Variants in NFASC observed in about 807,000 individuals in gnomAD.
NFASC encodes the protein neurofascin, also known as neurofascin homolog.
A neutral mutation model predicts 147.5 loss-of-function variants in NFASC; 43 were observed. The observed-to-expected ratio is 0.29, with a 90% CI of 0.23 to 0.38. The LOEUF (loss-of-function observed/expected upper bound fraction) is 0.38, where lower values mean the gene tolerates loss of function less well. Ranked by LOEUF, NFASC falls within the 10% of genes least tolerant of loss-of-function variation. The pLI is 1.00. For missense variants in NFASC, 1,320 were observed against 1,689.0 expected (o/e 0.78, Z 3.83); for synonymous variants, 622 against 665.5 (o/e 0.93, Z 1.01).
chr1:204,886,219 A>C (rs1477547707), intron 1 of NFASC, among the ~76,000 whole-genome samples: 1 of 152,234 alleles, frequency 6.6e-6, no homozygotes, highest in African/African-American at 2.4e-5. Flanking sequence ...AAAATGCTTT[A>C]AGCAAGAACT....
intron 1 of NFASC, among the ~76,000 whole-genome samples, chr1:204,907,621 T>C (rs1461233783): frequency 6.6e-6 from 1 of 152,240 alleles, no homozygotes; most frequent in Non-Finnish European, 1.5e-5. Flanking sequence ...GTCTAATTGA[T>C]GAGAGTGCTT....
intron 11 of NFASC, among the ~76,000 whole-genome samples, chr1:204,971,993 G>C (rs1352250623): frequency 1.3e-5 from 2 of 152,214 alleles, no homozygotes; most frequent in African/African-American, 4.8e-5. Context: ...AGAGTGACTG[G>C]GGGGATTATT....
chr1:204,991,271 C>T, intron 23 of NFASC, 21 bp from the exon 24 acceptor site: 1 of 1,612,358 alleles, frequency 6.2e-7, no homozygotes, highest in East Asian at 2.2e-5. Flanking sequence ...GTCTGGCCAT[C>T]TTGGGCGCTG....
At chr1:204,870,135 T>C (rs960750314) in intron 1 of NFASC, among the ~76,000 whole-genome samples, 1 of 152,014 alleles carries the variant, frequency 6.6e-6, no homozygotes, top group Non-Finnish European at 1.5e-5. Context: ...AGCAGGACAA[T>C]GTGGTGAGTG....
rs534397275 is a variant in NFASC, at chr1:204,971,224, A to T, written c.1135+477A>T. On this transcript the variant is annotated intron_variant, in intron 11 of 29. Coordinates refer to ENST00000339876, the MANE Select transcript of NFASC (RefSeq NM_001005388.3). ...CAATAATGTGAAATATTATGGTTAG[A>T]TATGAGGAAGAACTGCCCCCAGAAG... 7.2e-5 allele frequency among the ~76,000 whole-genome samples: 11 copies of T among 152,254 alleles called. No homozygotes were observed. In the South Asian group the frequency reaches 2.3e-3, roughly 32 times the overall value.
chr1:204,967,621 C>T (rs2150220506), intron 8 of NFASC, among the ~76,000 whole-genome samples: 1 of 152,198 alleles, frequency 6.6e-6, no homozygotes, highest in South Asian at 2.1e-4. Flanking sequence ...AGCTGTCTTC[C>T]CGAGTCATTA....
intron 1 of NFASC, among the ~76,000 whole-genome samples, chr1:204,852,074 C>A (rs1309805531): frequency 2.0e-5 from 3 of 152,162 alleles, no homozygotes; most frequent in African/African-American, 7.2e-5. Context: ...GTCTACATAG[C>A]AGAACTAAAA....
At chr1:205,001,410 C>T (rs2095982403) in intron 26 of NFASC, 124 bp downstream of exon 26, 1 of 663,804 alleles carries the variant, frequency 1.5e-6, no homozygotes. Context: ...TTTAGCCTGG[C>T]TTAATTATGG....
chr1:204,980,433 C>A lies in NFASC; in HGVS notation c.2240C>A (p.Thr747Lys). The A allele has an allele frequency of 6.2e-7, 1 of 1,612,216 alleles. No individual in the cohort carries two copies. Among genetic ancestry groups the A allele is most frequent in the Non-Finnish European group, 8.5e-7 (1 of 1,178,836 alleles). The change falls in exon 20 of 30, where the codon ACG (threonine) becomes AAG (lysine). Residue 747 changes from threonine (T) to lysine (K), a missense_variant. Physicochemically the swap from Thr to Lys is moderately conservative, Grantham distance 78. Transcript: ENST00000339876. ...ACCAGAAAGAACAACATGGAGATCA[C>A]GTGGACGGTAAGAGGCCCTCCCAGC... Reference protein sequence around the residue: ...EGTRKNNMEITWTPMNATSAF... With the variant: ...EGTRKNNMEIKWTPMNATSAF...
At chr1:204,937,059 C>G (rs2092917185) in intron 2 of NFASC, among the ~76,000 whole-genome samples, 1 of 152,158 alleles carries the variant, frequency 6.6e-6, no homozygotes, top group South Asian at 2.1e-4. Flanking sequence ...CCATTCAGGT[C>G]TTGGTCAGAT....
At chr1:204,880,419 G>A (rs887319840) in intron 1 of NFASC, among the ~76,000 whole-genome samples, 7 of 152,070 alleles carry the variant, frequency 4.6e-5, no homozygotes, top group Non-Finnish European at 7.4e-5. Flanking sequence ...GCAGTGGGGC[G>A]ATCTCAGCTC....
chr1:204,969,425 CT>C (rs773618448), intron 10 of NFASC, among the ~76,000 whole-genome samples: 4 of 152,192 alleles, frequency 2.6e-5, no homozygotes, highest in Non-Finnish European at 5.9e-5. Flanking sequence ...AAATCACTTC[CT>C]TCCCCCCAAA....
At position 204,977,425 on chromosome 1, in the gene NFASC, G is replaced by A. The variant is rs575066038; in HGVS notation, c.1832-256G>A. ...ATTGGCGCAGTGGAGAGGCACAGTTGCAGAGAGGGTGGGCCCAGACACGAT... is the reference window on the plus strand; with the variant it reads ...ATTGGCGCAGTGGAGAGGCACAGTTACAGAGAGGGTGGGCCCAGACACGAT... On this transcript the variant is annotated intron_variant, in intron 16 of 29. Coordinates refer to ENST00000339876, the MANE Select transcript of NFASC (RefSeq NM_001005388.3). Among the ~76,000 whole-genome samples the A allele has an allele frequency of 4.6e-5, 7 of 152,330 alleles. 1 individual carries two copies. In the South Asian group the frequency reaches 1.4e-3, roughly 32 times the overall value.
intron 7 of NFASC, among the ~76,000 whole-genome samples, chr1:204,956,857 C>T (rs1047210270): frequency 1.3e-5 from 2 of 151,926 alleles, no homozygotes; most frequent in African/African-American, 2.4e-5. Flanking sequence ...TCTAACTAAC[C>T]TAACAGCCTG....
intron 1 of NFASC, among the ~76,000 whole-genome samples, chr1:204,879,497 A>G (rs2079700586): frequency 6.6e-6 from 1 of 152,184 alleles, no homozygotes. Context: ...AATGTAGGAC[A>G]GGGAGGACCA....
intron 1 of NFASC, among the ~76,000 whole-genome samples, chr1:204,890,380 G>A (rs114996472): frequency 0.013 from 2,009 of 152,292 alleles, 48 homozygotes; most frequent in African/African-American, 0.045. Context: ...GCAATACAGG[G>A]CAGGCCTGGG....
intron 1 of NFASC, among the ~76,000 whole-genome samples, chr1:204,832,849 A>T (rs1224744167): frequency 6.6e-6 from 1 of 152,204 alleles, no homozygotes; most frequent in Admixed American, 6.5e-5. Flanking sequence ...TAGGATCTGG[A>T]GTGATTGCAC....
chr1:204,868,459 A>C (rs1166931862), intron 1 of NFASC, among the ~76,000 whole-genome samples: 1 of 152,098 alleles, frequency 6.6e-6, no homozygotes, highest in Non-Finnish European at 1.5e-5. Context: ...GCCACTCTGC[A>C]TTGGCACGGG....
chr1:204,944,458 G>T (rs536174751), intron 3 of NFASC, 52 bp downstream of exon 3: 3 of 1,175,620 alleles, frequency 2.6e-6, no homozygotes, highest in African/African-American at 1.5e-5. Context: ...TGGGCAGAGG[G>T]GTGGGAGGGG....
Sources: allele counts gnomAD v4.1 joint callset (sites outside exome capture counted in the v4.1 genomes callset), GRCh38; gene constraint gnomAD v4.1.1; transcripts MANE v1.5; gene names NCBI Gene and HGNC (gene_info 2026-07-23, HGNC 2026-07-21).